The following ANGPTL2 variants were observed in gnomAD, a reference collection of about 807,000 sequenced individuals.
ANGPTL2 encodes angiopoietin like 2.
Under a neutral mutation model 52.8 loss-of-function variants are expected in ANGPTL2, and 25 were observed. The observed-to-expected ratio is 0.47, with a 90% confidence interval of 0.35 to 0.66. ANGPTL2 has a LOEUF of 0.66. ANGPTL2 is among the 30% of genes least tolerant of loss of function. ANGPTL2 has a pLI of 0.01. For synonymous variants in ANGPTL2, 276 were observed against 277.4 expected (o/e 1.00, Z 0.05); for missense variants, 546 against 656.9 (o/e 0.83, Z 1.84).
rs541975780 is a variant in ANGPTL2 at position 127,090,471 on chromosome 9, G to A, written c.1282+1199C>T. Among the ~76,000 whole-genome samples the A allele has an allele frequency of 4.6e-4, 70 of 152,358 alleles. No individual in the cohort carries two copies. The Middle Eastern group carries it at 0.014, about 30-fold the overall frequency. On this transcript the variant is annotated intron_variant, in intron 4 of 4. Coordinates refer to ENST00000373425, the MANE Select transcript of ANGPTL2 (RefSeq NM_012098.3). The stretch of plus-strand genomic sequence containing the variant: ...CCAGGCCAGTTCAGTGTCAGTGGGC[G>A]GACAGAGGTGTCTGTGTGATACAGG...
chr9:127,098,609 C>T (rs937814453), intron 2 of ANGPTL2, among the ~76,000 whole-genome samples: 1 of 152,118 alleles, frequency 6.6e-6, no homozygotes, highest in Non-Finnish European at 1.5e-5. Context: ...CAGGTCTCAG[C>T]CCGGACCCCA....
At chr9:127,102,783 G>T (rs1432492067) in intron 2 of ANGPTL2, among the ~76,000 whole-genome samples, 2 of 152,230 alleles carry the variant, frequency 1.3e-5, no homozygotes, top group African/African-American at 4.8e-5. Context: ...TGTTTAGGAA[G>T]AAGCTAGCAA....
chr9:127,091,892 T>C lies in ANGPTL2; in HGVS notation c.1060A>G (p.Ile354Val), dbSNP rs1475870450. ...TTGCCTTGGTTCGTCAGCCAGTAAATGTTCTCCAGGCCCAGCCAGTATTCG... is the reference window on the plus strand; with the variant it reads ...TTGCCTTGGTTCGTCAGCCAGTAAACGTTCTCCAGGCCCAGCCAGTATTCG... ...DGEYWLGLEN[I>V]YWLTNQGNYK... Residue 354 changes from isoleucine (I) to valine (V), a missense_variant, in exon 4 of 5, where the codon ATT (isoleucine) becomes GTT (valine). Physicochemically the swap from Ile to Val is conservative, Grantham distance 29. Coordinates refer to ENST00000373425, the MANE Select transcript of ANGPTL2 (RefSeq NM_012098.3). The surrounding 1 kb of genome is among the most constrained non-coding windows in gnomAD (Gnocchi z 4.3). 6.2e-7 allele frequency: 1 copy of C among 1,614,140 alleles called. No homozygotes were observed. The highest frequency in any genetic ancestry group is 8.5e-7 in the Non-Finnish European group (1 of 1,180,040).
chr9:127,116,878 T>A (rs2137489731), intron 1 of ANGPTL2, among the ~76,000 whole-genome samples: 1 of 152,208 alleles, frequency 6.6e-6, no homozygotes, highest in East Asian at 1.9e-4. Context: ...AGGGGCACAG[T>A]GCTACCAAGT....
intron 2 of ANGPTL2, among the ~76,000 whole-genome samples, chr9:127,095,554 G>A (rs755877885): frequency 3.3e-5 from 5 of 152,244 alleles, no homozygotes; most frequent in African/African-American, 9.6e-5. Flanking sequence ...CTGGGCAGCG[G>A]AAGCTCAGGG....
chr9:127,093,123 A>C (rs2052679237), intron 3 of ANGPTL2, among the ~76,000 whole-genome samples: 1 of 152,198 alleles, frequency 6.6e-6, no homozygotes, highest in Non-Finnish European at 1.5e-5. Flanking sequence ...CTCAGCAAAC[A>C]GAGCCACTCT....
At chr9:127,100,328 C>G (rs1409483148) in intron 2 of ANGPTL2, among the ~76,000 whole-genome samples, 1 of 152,100 alleles carries the variant, frequency 6.6e-6, no homozygotes, top group Admixed American at 6.5e-5. Flanking sequence ...AGTAAGAGCT[C>G]TTAGGGCCCA....
At chr9:127,093,969 AC>A in intron 2 of ANGPTL2, 43 bp from the exon 3 acceptor site, 1 of 1,584,348 alleles carries the variant, frequency 6.3e-7, no homozygotes, top group East Asian at 2.3e-5. Context: ...CCTGCCTGTC[AC>A]CAGGCCGCAC....
At chr9:127,103,604 C>G (rs2053941000) in intron 2 of ANGPTL2, among the ~76,000 whole-genome samples, 1 of 152,176 alleles carries the variant, frequency 6.6e-6, no homozygotes, top group Non-Finnish European at 1.5e-5. Context: ...GTTGTACTTT[C>G]TACTGGGGAG....
rs2052529233 is a variant in ANGPTL2 at position 127,091,926 on chromosome 9, G to A, written c.1026C>T (p.Asn342=). ...NWETYKQGFG[N]IDGEYWLGLE... is the part of the protein sequence containing the mutation. ...GGCCCAGCCAGTATTCGCCGTCAATGTTCCCAAACCCTTGCTGGGGAAAAC... is the reference window on the plus strand; with the variant it reads ...GGCCCAGCCAGTATTCGCCGTCAATATTCCCAAACCCTTGCTGGGGAAAAC... Residue 342 remains asparagine, a synonymous_variant, in exon 4 of 5, where the codon AAC becomes AAT. Transcript: ENST00000373425. This position sits in a 1 kb window ranked among gnomAD's most constrained non-coding sequence, Gnocchi z 4.3. 1 of 1,614,068 alleles carries A rather than the reference G, an allele frequency of 6.2e-7. No individual in the cohort carries two copies. The highest frequency in any genetic ancestry group is 8.5e-7 in the Non-Finnish European group (1 of 1,179,998).
chr9:127,091,341 G>T lies in ANGPTL2; in HGVS notation c.1282+329C>A, dbSNP rs1433198265. ...GGTTAGCTCTATACCAGGTGCCTGG[G>T]ACAGAAGTGGTGAGGCCACAGCCCA... is the stretch of plus-strand genomic sequence containing the variant. On this transcript the variant is annotated intron_variant, in intron 4 of 4. Coordinates refer to ENST00000373425, the MANE Select transcript of ANGPTL2 (RefSeq NM_012098.3). The surrounding 1 kb of genome is among the most constrained non-coding windows in gnomAD (Gnocchi z 4.3). 6.6e-6 allele frequency among the ~76,000 whole-genome samples: 1 copy of T among 152,232 alleles called. No individual in the cohort carries two copies. Among genetic ancestry groups the T allele is most frequent in the African/African-American group, 2.4e-5 (1 of 41,456 alleles).
At position 127,108,457 on chromosome 9, in the gene ANGPTL2, AGCAGCTCTAGCTCCT is replaced by A. The variant is rs749676941; in HGVS notation, c.260_274del (p.Gln87_Leu91del). 31 of 1,610,888 alleles carry A rather than the reference AGCAGCTCTAGCTCCT, an allele frequency of 1.9e-5. No individual in the cohort carries two copies. The highest frequency in any genetic ancestry group is 5.1e-6 in the Non-Finnish European group (6 of 1,179,352). On this transcript the variant is annotated inframe_deletion, in exon 2 of 5. Transcript: ENST00000373425. ...CTTCTGCTTGAGCAGCTCATTGTTG[AGCAGCTCTAGCTCCT>A]GCTTATGCACTCGGTTCTCCAGAAG... is the stretch of plus-strand genomic sequence containing the variant.
chr9:127,115,620 C>A (rs1348912360), intron 1 of ANGPTL2, among the ~76,000 whole-genome samples: 3 of 152,348 alleles, frequency 2.0e-5, no homozygotes, highest in Non-Finnish European at 4.4e-5. Context: ...CCAAACCCTG[C>A]CTTGCATCAA....
rs1286803271 is a variant in ANGPTL2 at position 127,107,990 on chromosome 9, G to A, written c.742C>T (p.Leu248=). The part of the protein sequence containing the change: ...STNEIQSDQN[L]KVLPPPLPTM... Reference sequence around the variant, plus strand: ...GGCAGAGGGGGTGGCAGCACCTTCAGGTTCTGGTCACTCTGGATCTCGTTG... The same window carrying A: ...GGCAGAGGGGGTGGCAGCACCTTCAAGTTCTGGTCACTCTGGATCTCGTTG... Residue 248 remains leucine (L), a synonymous_variant, in exon 2 of 5, where the codon CTG becomes TTG. Transcript: ENST00000373425. 1 of 1,588,156 alleles carries A rather than the reference G, an allele frequency of 6.3e-7. No individual in the cohort carries two copies.
intron 2 of ANGPTL2, among the ~76,000 whole-genome samples, chr9:127,094,494 G>A (rs893479245): frequency 3.3e-5 from 5 of 152,200 alleles, no homozygotes; most frequent in South Asian, 2.1e-4. Context: ...ACAGTGCTTC[G>A]TGATGACTGC....
In ANGPTL2 at chr9:127,107,948, TGA is replaced by T; in HGVS notation, c.782_783del (p.Leu261HisfsTer67). 6.5e-7 allele frequency: 1 copy of T among 1,544,514 alleles called. No individual in the cohort carries two copies. The highest frequency in any genetic ancestry group is 8.8e-7 in the Non-Finnish European group (1 of 1,140,494). ...TTGTCGGTGGAAGATGGGAGGCTGG[TGA>T]GAGTGGGCATAGTGGGCAGAGGGGG... ...LPPPLPTMPT[L>X]TSLPSSTDKP... On this transcript the variant is annotated frameshift_variant, in exon 2 of 5. Coordinates refer to ENST00000373425, the MANE Select transcript of ANGPTL2 (RefSeq NM_012098.3). LOFTEE classifies it high-confidence loss of function.
chr9:127,091,575 G>T lies in ANGPTL2; in HGVS notation c.1282+95C>A. ...TTGGCCCAGCTGCTTCTCACCCTGG[G>T]ATCTTCCCGTTTCCAAGCCCTGGAG... On this transcript the variant is annotated intron_variant, in intron 4 of 4. Coordinates refer to ENST00000373425, the MANE Select transcript of ANGPTL2 (RefSeq NM_012098.3). This position sits in a 1 kb window ranked among gnomAD's most constrained non-coding sequence, Gnocchi z 4.3. 1.3e-6 allele frequency: 2 copies of T among 1,503,936 alleles called. No individual in the cohort carries two copies. The highest frequency in any genetic ancestry group is 1.8e-6 in the Non-Finnish European group (2 of 1,119,598). The allele number at this position is 1,503,936 out of a possible 1,614,324, so 93.2% of individuals were successfully genotyped here.
chr9:127,114,003 A>G (rs2055135012), intron 1 of ANGPTL2, among the ~76,000 whole-genome samples: 2 of 152,244 alleles, frequency 1.3e-5, no homozygotes, highest in African/African-American at 4.8e-5. Context: ...TTTTGAGTTC[A>G]CCCCAAAGGT....
intron 1 of ANGPTL2, among the ~76,000 whole-genome samples, chr9:127,120,077 T>C (rs79600051): frequency 0.013 from 2,000 of 152,326 alleles, 41 homozygotes; most frequent in Non-Finnish European, 0.016. Flanking sequence ...TGGTGTAAGA[T>C]CCACCAGACA....
Sources: gnomAD v4.1 joint callset for allele counts (sites outside exome capture counted in the v4.1 genomes callset) on GRCh38, gnomAD v4.1.1 for gene constraint, Gnocchi (gnomAD v3.1) non-coding constraint, MANE v1.5 for transcripts, NCBI Gene and HGNC (gene_info 2026-07-23, HGNC 2026-07-21) for gene names.